The following AHNAK2 variants were observed in gnomAD, a reference collection of about 807,000 sequenced individuals.
The protein encoded by AHNAK2 is protein AHNAK2.
A neutral mutation model predicts 30.7 loss-of-function variants in AHNAK2; 18 were observed. That is an observed-to-expected ratio of 0.59 (90% CI 0.41 to 0.87). The LOEUF (loss-of-function observed/expected upper bound fraction) is 0.87. AHNAK2 is among the 40% of genes least tolerant of loss of function. The pLI is 0.00. For missense variants in AHNAK2, 8,604 were observed against 7,373.0 expected, an observed-to-expected ratio of 1.17 and a Z score of -6.11; for synonymous variants, 3,590 against 3,073.8, an observed-to-expected ratio of 1.17 and a Z score of -5.56.
At chr14:104,964,159 C>T (rs369253550) in intron 1 of AHNAK2, among the ~76,000 whole-genome samples, 2 of 152,220 alleles carry the variant, frequency 1.3e-5, no homozygotes, top group East Asian at 1.9e-4. Flanking sequence ...ACAAACAACC[C>T]GATAGAAATA....
chr14:104,978,082 C>A, intron 1 of AHNAK2, 101 bp downstream of exon 1: 1 of 1,015,262 alleles, frequency 9.8e-7, no homozygotes, highest in South Asian at 4.9e-5. Flanking sequence ...TCCCCCGCCC[C>A]CAAGGCCCGC....
rs781013219 is a variant in AHNAK2 at position 104,951,525 on chromosome 14, T to A, written c.3926A>T (p.Gln1309Leu). The change falls in exon 7 of 7, where the codon CAG becomes CTG. Residue 1309 changes from glutamine (Q) to leucine (L), a missense_variant. By Grantham distance (113) the Gln-to-Leu change is moderately radical (BLOSUM62 -2). Transcript: ENST00000333244. Reference protein sequence around the residue: ...QAPGAKLDGAQLDGDLSLADK... With the variant: ...QAPGAKLDGALLDGDLSLADK... ...AGCCAGGGACAGGTCCCCGTCCAGC[T>A]GTGCGCCATCCAACTTGGCTCCCGG... is the stretch of plus-strand genomic sequence containing the variant. The A allele has an allele frequency of 6.4e-6, 8 of 1,245,058 alleles. 1 individual carries two copies. In the African/African-American group the frequency reaches 1.1e-4, roughly 18 times the overall value. 77.1% of individuals were successfully genotyped at this position (1,245,058 alleles called of 1,614,324 possible).
chr14:104,937,782 C>T lies in AHNAK2; in HGVS notation c.*281G>A. 2.5e-6 allele frequency: 1 copy of T among 393,698 alleles called. No individual in the cohort carries two copies. Among genetic ancestry groups the T allele is most frequent in the Non-Finnish European group, 4.5e-6 (1 of 221,902 alleles). 24.4% of individuals were successfully genotyped at this position (393,698 alleles called of 1,614,324 possible). A position where few individuals can be genotyped will look rare whatever the true frequency, so the allele number is the denominator to read the frequency against. On this transcript the variant is annotated 3_prime_UTR_variant, in exon 7 of 7. Transcript: ENST00000333244. ...TATCTAATAAAGACCAACAAACTTCCCCAGCAGTGCCTCTGAGTACCGTGT... is the reference window on the plus strand; with the variant it reads ...TATCTAATAAAGACCAACAAACTTCTCCAGCAGTGCCTCTGAGTACCGTGT...
At position 104,946,183 on chromosome 14, in the gene AHNAK2, G is replaced by A; in HGVS notation, c.9268C>T (p.Leu3090=). The change falls in exon 7 of 7, where the codon CTG becomes TTG. Residue 3090 remains leucine, a synonymous_variant. Coordinates refer to ENST00000333244, the MANE Select transcript of AHNAK2 (RefSeq NM_138420.4). ...GTCACGTCCGTCTTCGGGCCTTTCA[G>A]GTCCAGCTTGGGGCCCTTGACATCT... The part of the protein sequence containing the change: ...QIDVKGPKLD[L]KGPKTDVTAP... 6.2e-7 allele frequency: 1 copy of A among 1,609,870 alleles called. No individual in the cohort carries two copies. The highest frequency in any genetic ancestry group is 1.4e-5 in the African/African-American group (1 of 74,040).
In AHNAK2 at chr14:104,950,412, G is replaced by C. The variant is rs373360672; in HGVS notation, c.5039C>G (p.Ser1680Trp). 2.5e-6 allele frequency: 4 copies of C among 1,586,880 alleles called. 1 individual carries two copies. The highest frequency in any genetic ancestry group is 1.1e-5 in the South Asian group (1 of 89,752). The change falls in exon 7 of 7, where the codon TCG (serine) becomes TGG (tryptophan). Residue 1680 changes from serine to tryptophan, a missense_variant. Transcript: ENST00000333244. ...CACCTTCGGCTCAGACACATCCACC[G>C]AGGCCTCGATGGACTTGCCTGGGGC... is the stretch of plus-strand genomic sequence containing the variant. The part of the protein sequence containing the change: ...VSAPGKSIEA[S>W]VDVSEPKVEA...
In AHNAK2 at chr14:104,939,293, G is replaced by T. The variant is rs1293204392; in HGVS notation, c.16158C>A (p.Phe5386Leu). Residue 5386 changes from phenylalanine (F) to leucine (L), a missense_variant, in exon 7 of 7, where the codon TTC becomes TTA. Coordinates refer to ENST00000333244, the MANE Select transcript of AHNAK2 (RefSeq NM_138420.4). ...AGAACCTTGGTACCATTAATTTGGG[G>T]AATTTGACAGTTAGGACAGAATCTT... ...LWEDSVLTVKFPKLMVPRFSF... is the reference protein window; with the variant it reads ...LWEDSVLTVKLPKLMVPRFSF... 1 of 1,613,860 alleles carries T rather than the reference G, an allele frequency of 6.2e-7. No homozygotes were observed. Among genetic ancestry groups the T allele is most frequent in the Non-Finnish European group, 8.5e-7 (1 of 1,179,900 alleles).
In AHNAK2 at chr14:104,943,501, C is replaced by CT; in HGVS notation, c.11949dup (p.Gly3984ArgfsTer32). On this transcript the variant is annotated frameshift_variant, in exon 7 of 7. Transcript: ENST00000333244. LOFTEE classifies it low-confidence loss of function (END_TRUNC). ...TCCACTGATGCCTCCATGGACTTGC[C>CT]TGGGGCAGACACCCCGAACGACGGC... 1 of 1,613,306 alleles carries CT rather than the reference C, an allele frequency of 6.2e-7. No homozygotes were observed. Among genetic ancestry groups the CT allele is most frequent in the Non-Finnish European group, 8.5e-7 (1 of 1,179,632 alleles).
At position 104,937,268 on chromosome 14, in the gene AHNAK2, T is replaced by G. The variant is rs931489118; in HGVS notation, c.*795A>C. ...GCCTTCAGCATGGGATGCAGCACTT[T>G]CTTTATTGCCCATCCAGGGAACAGC... On this transcript the variant is annotated 3_prime_UTR_variant, in exon 7 of 7. Coordinates refer to ENST00000333244, the MANE Select transcript of AHNAK2 (RefSeq NM_138420.4). 6.6e-6 allele frequency: 1 copy of G among 152,274 alleles called. No homozygotes were observed. Among genetic ancestry groups the G allele is most frequent in the Non-Finnish European group, 1.5e-5 (1 of 68,094 alleles). The allele number at this position is 152,274 out of a possible 1,614,324, so 9.4% of individuals were successfully genotyped here.
rs777226069 is a variant in AHNAK2 at position 104,938,406 on chromosome 14, C to T, written c.17045G>A (p.Arg5682Gln). 33 of 1,613,926 alleles carry T rather than the reference C, an allele frequency of 2.0e-5. No individual in the cohort carries two copies. The highest frequency in any genetic ancestry group is 1.6e-4 in the Middle Eastern group (1 of 6,062). Residue 5682 changes from arginine to glutamine, a missense_variant, in exon 7 of 7, where the codon CGA (arginine) becomes CAA (glutamine). Arg to Gln is a conservative substitution (Grantham distance 43, BLOSUM62 1). Coordinates refer to ENST00000333244, the MANE Select transcript of AHNAK2 (RefSeq NM_138420.4). ...TTTTTTAGGCAGTTCTGCCTCTGGT[C>T]GTGCCTCAGGCTGTGTTTGAATGGG... ...SAPIQTQPEARPEAELPKKQE... is the reference protein window; with the variant it reads ...SAPIQTQPEAQPEAELPKKQE...
Position 104,946,688 on chromosome 14 carries a change from G to C in AHNAK2, c.8763C>G (p.Pro2921=). 1 of 1,612,920 alleles carries C rather than the reference G, an allele frequency of 6.2e-7. No individual in the cohort carries two copies. Among genetic ancestry groups the C allele is most frequent in the Non-Finnish European group, 8.5e-7 (1 of 1,179,664 alleles). ...LKGPQIDVKG[P]KLDLKGPKAE... The stretch of plus-strand genomic sequence containing the variant: ...CCTTGGGGCCTTTCAGGTCCAGCTT[G>C]GGGCCCTTGACGTCTATCTGGGGGC... Residue 2921 remains proline (P), a synonymous_variant, in exon 7 of 7, where the codon CCC becomes CCG. Transcript: ENST00000333244.
At position 104,945,551 on chromosome 14, in the gene AHNAK2, A is replaced by C. The variant is rs775525893; in HGVS notation, c.9900T>G (p.Asp3300Glu). The C allele has an allele frequency of 5.6e-6, 9 of 1,610,134 alleles. No homozygotes were observed. Among genetic ancestry groups the C allele is most frequent in the Non-Finnish European group, 7.6e-6 (9 of 1,178,402 alleles). ...LEGDLSLADKDVTAKDSKFKM... is the reference protein window; with the variant it reads ...LEGDLSLADKEVTAKDSKFKM... Reference sequence around the variant, plus strand: ...TGAACTTGCTGTCTTTGGCAGTCACATCCTTGTCGGCCAGGGACAGGTCCC... The same window carrying C: ...TGAACTTGCTGTCTTTGGCAGTCACCTCCTTGTCGGCCAGGGACAGGTCCC... The change falls in exon 7 of 7, where the codon GAT becomes GAG. Residue 3300 changes from aspartate to glutamate, a missense_variant. Coordinates refer to ENST00000333244, the MANE Select transcript of AHNAK2 (RefSeq NM_138420.4).
At position 104,940,671 on chromosome 14, in the gene AHNAK2, G is replaced by T. The variant is rs1318104244; in HGVS notation, c.14780C>A (p.Ala4927Asp). ...GGCCACTACTGATGTCTGCAAGGAGGCCACAAGCTCTTCTGGGCCCTGAGA... is the reference window on the plus strand; with the variant it reads ...GGCCACTACTGATGTCTGCAAGGAGTCCACAAGCTCTTCTGGGCCCTGAGA... ...CVSQGPEELV[A>D]SLQTSVVAPG... Residue 4927 changes from alanine to aspartate, a missense_variant, in exon 7 of 7, where the codon GCC becomes GAC. Ala to Asp is a moderately radical substitution (Grantham distance 126). Transcript: ENST00000333244. The surrounding 1 kb of genome is among the most constrained non-coding windows in gnomAD (Gnocchi z 4.4). 2.5e-5 allele frequency: 40 copies of T among 1,613,264 alleles called. No individual in the cohort carries two copies. The highest frequency in any genetic ancestry group is 3.3e-5 in the Non-Finnish European group (39 of 1,179,860).
chr14:104,955,612 C>T lies in AHNAK2; in HGVS notation c.337G>A (p.Val113Met), dbSNP rs1196983808. The change falls in exon 5 of 7, where the codon GTG (valine) becomes ATG (methionine). Residue 113 changes from valine to methionine, a missense_variant. By Grantham distance (21) the Val-to-Met change is conservative. Transcript: ENST00000333244. ...RPEAVQEATEVTLKTEVEAGA... is the reference protein window; with the variant it reads ...RPEAVQEATEMTLKTEVEAGA... ...GCCTCCACCTCTGTCTTCAGCGTCA[C>T]CTCTGTTGCCTCCTGGACAGCCTGG... 1.9e-6 allele frequency: 3 copies of T among 1,613,476 alleles called. No homozygotes were observed. Among genetic ancestry groups the T allele is most frequent in the Non-Finnish European group, 2.5e-6 (3 of 1,179,766 alleles).
Position 104,945,704 on chromosome 14 carries a change from C to A in AHNAK2, c.9747G>T (p.Lys3249Asn). Reference sequence around the variant, plus strand: ...GGCCTTTCAGGTCCAGCTTGGGGCCCTTGATGTCTATCTGGGGGCCCTTGC... The same window carrying A: ...GGCCTTTCAGGTCCAGCTTGGGGCCATTGATGTCTATCTGGGGGCCCTTGC... ...VDRKGPQIDI[K>N]GPKLDLKGPK... The change falls in exon 7 of 7, where the codon AAG becomes AAT. Residue 3249 changes from lysine to asparagine, a missense_variant. Coordinates refer to ENST00000333244, the MANE Select transcript of AHNAK2 (RefSeq NM_138420.4). 1 of 1,601,418 alleles carries A rather than the reference C, an allele frequency of 6.2e-7. No individual in the cohort carries two copies. Among genetic ancestry groups the A allele is most frequent in the Non-Finnish European group, 8.5e-7 (1 of 1,172,628 alleles).
At position 104,945,800 on chromosome 14, in the gene AHNAK2, G is replaced by A. The variant is rs746687596; in HGVS notation, c.9651C>T (p.Leu3217=). The A allele has an allele frequency of 2.1e-5, 33 of 1,544,978 alleles. 1 individual carries two copies. The highest frequency in any genetic ancestry group is 1.9e-4 in the Middle Eastern group (1 of 5,248). The change falls in exon 7 of 7, where the codon CTC becomes CTT. Residue 3217 remains leucine, a synonymous_variant. Coordinates refer to ENST00000333244, the MANE Select transcript of AHNAK2 (RefSeq NM_138420.4). ...GGTGCCCTTTGAGGCCAGCTCCCTCGAGAACGTGGCCCTCTGGGAGCTTCA... is the reference window on the plus strand; with the variant it reads ...GGTGCCCTTTGAGGCCAGCTCCCTCAAGAACGTGGCCCTCTGGGAGCTTCA... ...VDVKLPEGHV[L]EGAGLKGHLP...
Position 104,948,296 on chromosome 14 carries a change from T to C in AHNAK2, c.7155A>G (p.Lys2385=), listed in dbSNP as rs1237166770. The C allele has an allele frequency of 3.7e-6, 6 of 1,611,034 alleles. No homozygotes were observed. The African/African-American group carries it at 6.8e-5, about 18-fold the overall frequency. Residue 2385 remains lysine, a synonymous_variant, in exon 7 of 7, where the codon AAA becomes AAG. Transcript: ENST00000333244. ...CCTCCGGCACGGGGCCCTCTGGGAG[T>C]TTCACATCCACTTGGCCAGCCTGGA... ...LEVQAGQVDV[K]LPEGPVPEGA...
rs201134968 is a variant in AHNAK2 at position 104,951,261 on chromosome 14, G to A, written c.4190C>T (p.Pro1397Leu). 360 of 1,058,132 alleles carry A rather than the reference G, an allele frequency of 3.4e-4. 52 individuals are homozygous for A. The East Asian group carries it at 6.6e-3, about 19-fold the overall frequency. 65.5% of individuals were successfully genotyped at this position (1,058,132 alleles called of 1,614,324 possible). ...LQAGQLDVKL[P>L]EGPVPEGAGL... ...GGCTCCCTCGGGCACGGGGCCCTCT[G>A]GGAGTTTCACGTCCAATTGGCCAGC... Residue 1397 changes from proline (P) to leucine (L), a missense_variant, in exon 7 of 7, where the codon CCA becomes CTA. By Grantham distance (98) the Pro-to-Leu change is moderately conservative. Transcript: ENST00000333244.
intron 4 of AHNAK2, 54 bp downstream of exon 4, chr14:104,956,534 G>T: frequency 6.3e-7 from 1 of 1,577,694 alleles, no homozygotes; most frequent in Non-Finnish European, 8.7e-7. Context: ...CTCTCTGGCT[G>T]GATCCCTTGA....
At chr14:104,973,050 T>C (rs1449782704) in intron 1 of AHNAK2, among the ~76,000 whole-genome samples, 3 of 152,150 alleles carry the variant, frequency 2.0e-5, no homozygotes, top group Non-Finnish European at 4.4e-5. Flanking sequence ...AGGGCCTTGC[T>C]CACCTGCCTC....
Sources: gnomAD v4.1 joint callset for allele counts (sites outside exome capture counted in the v4.1 genomes callset) on GRCh38, gnomAD v4.1.1 for gene constraint, Gnocchi (gnomAD v3.1) non-coding constraint, MANE v1.5 for transcripts, NCBI Gene and HGNC (gene_info 2026-07-23, HGNC 2026-07-21) for gene names.